ITPA: variants seen among roughly 807,000 people sequenced by gnomAD.
The protein encoded by ITPA is inosine triphosphate pyrophosphatase.
A neutral mutation model predicts 29.6 loss-of-function variants in ITPA; 29 were observed. The observed-to-expected ratio is 0.98, with a 90% confidence interval of 0.73 to 1.34. ITPA has a LOEUF of 1.34. Among genes scored for constraint, ITPA ranks in the 40% most tolerant of loss-of-function variants. The probability of loss-of-function intolerance (pLI) is 0.00; values close to 1 mark genes in which losing one functional copy is unlikely to be tolerated. For missense variants in ITPA, 241 were observed against 251.5 expected, an observed-to-expected ratio of 0.96 and a Z score of 0.28; for synonymous variants, 103 against 99.3, an observed-to-expected ratio of 1.04 and a Z score of -0.22.
chr20:3,209,809 C>T lies in ITPA; in HGVS notation c.66+192C>T, dbSNP rs2067130377. Among the ~76,000 whole-genome samples, 2 of 152,166 alleles carry T rather than the reference C, an allele frequency of 1.3e-5. No individual in the cohort carries two copies. Among genetic ancestry groups the T allele is most frequent in the Admixed American group, 1.3e-4 (2 of 15,278 alleles). On this transcript the variant is annotated intron_variant, in intron 1 of 7. Coordinates refer to ENST00000380113, the MANE Select transcript of ITPA (RefSeq NM_033453.4). The surrounding 1 kb of genome is among the most constrained non-coding windows in gnomAD (Gnocchi z 4.6). ...GGGAGTGGCTGCAGAATCGGGGCGCCCCGGGGTTGGCGAGGGAACGAGGGT... is the reference window on the plus strand; with the variant it reads ...GGGAGTGGCTGCAGAATCGGGGCGCTCCGGGGTTGGCGAGGGAACGAGGGT...
intron 7 of ITPA, among the ~76,000 whole-genome samples, chr20:3,222,215 A>T (rs1600537133): frequency 6.8e-6 from 1 of 146,482 alleles, no homozygotes; most frequent in African/African-American, 2.5e-5. Context: ...TAAGCTGTAC[A>T]TCTGACTTTT....
At chr20:3,215,922 G>A (rs1413518323) in intron 5 of ITPA, among the ~76,000 whole-genome samples, 1 of 152,158 alleles carries the variant, frequency 6.6e-6, no homozygotes, top group East Asian at 1.9e-4. Flanking sequence ...CTGACCTCAA[G>A]TGATCCGCCT....
chr20:3,224,254 G>A (rs560245871), downstream of ITPA, among the ~76,000 whole-genome samples: 66 of 152,336 alleles, frequency 4.3e-4, 1 homozygote, highest in African/African-American at 1.4e-3. Context: ...CCCACTCGGC[G>A]TGATCGCCAC....
chr20:3,221,910 G>A lies in ITPA; in HGVS notation c.481G>A (p.Glu161Lys), dbSNP rs1423613678. ...WDPCFQPDGY[E>K]QTYAEMPKAE... ...CCCCTGCTTTCAGCCTGATGGATAT[G>A]AGCAGACGTAAGGAGCCCTGCTTTT... is the stretch of plus-strand genomic sequence containing the variant. Residue 161 changes from glutamate to lysine, a missense_variant, in exon 7 of 8, where the codon GAG becomes AAG. Transcript: ENST00000380113. 6.2e-7 allele frequency: 1 copy of A among 1,613,736 alleles called. No homozygotes were observed. The highest frequency in any genetic ancestry group is 1.3e-5 in the African/African-American group (1 of 74,926).
chr20:3,221,020 G>A (rs1006299262), intron 6 of ITPA, among the ~76,000 whole-genome samples: 3 of 151,938 alleles, frequency 2.0e-5, no homozygotes, highest in African/African-American at 7.3e-5. Flanking sequence ...CAGGTAGCTG[G>A]GACTACAGGC....
rs371436516 is a variant in ITPA, at chr20:3,221,827, C to G, written c.412-14C>G. ...GGACCCAGTTACACACCTGTCCCCC[C>G]TTTCCTGTGGCAGGGCCGGATCGTG... On this transcript the variant is annotated splice_polypyrimidine_tract_variant and intron_variant, in intron 6 of 7. Coordinates refer to ENST00000380113, the MANE Select transcript of ITPA (RefSeq NM_033453.4). 6 of 1,613,978 alleles carry G rather than the reference C, an allele frequency of 3.7e-6. No individual in the cohort carries two copies. The highest frequency in any genetic ancestry group is 5.1e-6 in the Non-Finnish European group (6 of 1,179,844).
chr20:3,206,618 CAGG>C (rs751157025), upstream of ITPA, among the ~76,000 whole-genome samples: 60 of 151,954 alleles, frequency 3.9e-4, no homozygotes, highest in Non-Finnish European at 7.6e-4. Context: ...ATCACGAGGT[CAGG>C]AGATCAAAAC....
At chr20:3,207,549 C>T (rs1366518616), upstream of ITPA, among the ~76,000 whole-genome samples, 2 of 152,044 alleles carry the variant, frequency 1.3e-5, no homozygotes, top group Non-Finnish European at 2.9e-5. Context: ...CAAAAATTCA[C>T]TGGGTGTGGT....
chr20:3,207,286 TCA>T (rs1470984583), upstream of ITPA, among the ~76,000 whole-genome samples: 1 of 152,164 alleles, frequency 6.6e-6, no homozygotes, highest in Non-Finnish European at 1.5e-5. Context: ...AGACTGGGTT[TCA>T]CCATGTTGTC....
chr20:3,222,638 A>G (rs1234047426), intron 7 of ITPA, among the ~76,000 whole-genome samples: 1 of 152,168 alleles, frequency 6.6e-6, no homozygotes, highest in Non-Finnish European at 1.5e-5. Flanking sequence ...AGTTCGCACA[A>G]ATCGCCCCTT....
At position 3,218,536 on chromosome 20, in the gene ITPA, C is replaced by T. The variant is rs114819623; in HGVS notation, c.315C>T (p.Ala105=). 2.8e-4 allele frequency: 451 copies of T among 1,613,838 alleles called. 2 individuals are homozygous for T. In the African/African-American group the frequency reaches 5.4e-3, roughly 19 times the overall value. ...LKPEGLHQLL[A]GFEDKSAYAL... is the part of the protein sequence containing the mutation. ...CCGCAGGTCTCCACCAGCTCCTGGC[C>T]GGGTTCGAGGACAAGTCAGCCTATG... Residue 105 remains alanine (A), a synonymous_variant, in exon 6 of 8, where the codon GCC becomes GCT. Transcript: ENST00000380113.
chr20:3,211,632 A>G (rs2067177064), intron 1 of ITPA, among the ~76,000 whole-genome samples: 1 of 152,150 alleles, frequency 6.6e-6, no homozygotes, highest in African/African-American at 2.4e-5. Context: ...AGCTGGGACT[A>G]CAGGTGTGTG....
intron 6 of ITPA, among the ~76,000 whole-genome samples, chr20:3,220,919 G>A (rs189483928): frequency 4.9e-4 from 74 of 152,068 alleles, no homozygotes; most frequent in Non-Finnish European, 8.2e-4. Flanking sequence ...GTGTTTGTTT[G>A]TTTGTTTGGA....
chr20:3,206,387 CA>C (rs143721062), upstream of ITPA, among the ~76,000 whole-genome samples: 351 of 33,630 alleles, frequency 0.01, no homozygotes, highest in African/African-American at 0.036. Flanking sequence ...GACTCAGTCT[CA>C]AAAAAAAAAA....
chr20:3,222,423 G>A (rs1244620338), intron 7 of ITPA, among the ~76,000 whole-genome samples: 1 of 152,098 alleles, frequency 6.6e-6, no homozygotes, highest in Admixed American at 6.6e-5. Context: ...TGTTGGCCAG[G>A]CTGGTCTCAA....
At chr20:3,219,823 G>A (rs1427117896) in intron 6 of ITPA, among the ~76,000 whole-genome samples, 1 of 151,866 alleles carries the variant, frequency 6.6e-6, no homozygotes, top group African/African-American at 2.4e-5. Context: ...AAGGCAGGAG[G>A]ATTGCTTGAG....
chr20:3,206,300 A>G (rs1275633748), upstream of ITPA, among the ~76,000 whole-genome samples: 3 of 148,282 alleles, frequency 2.0e-5, no homozygotes, highest in Admixed American at 6.8e-5. Flanking sequence ...AGGCAGGAGA[A>G]TCTCTCGAAG....
chr20:3,212,512 G>C (rs533344004), intron 1 of ITPA, among the ~76,000 whole-genome samples: 1 of 152,064 alleles, frequency 6.6e-6, no homozygotes, highest in Admixed American at 6.6e-5. Flanking sequence ...GTAAAGATGG[G>C]GTTTTGCCAT....
Position 3,213,155 on chromosome 20 carries a change from T to G in ITPA, c.67-14T>G. The G allele has an allele frequency of 1.2e-6, 2 of 1,613,124 alleles. No homozygotes were observed. The highest frequency in any genetic ancestry group is 1.7e-6 in the Non-Finnish European group (2 of 1,179,022). ...ACTAGATGGTGATAAGTGTTCTCTT[T>G]TCTCTTGGAACAGGTCGTTCAGATT... On this transcript the variant is annotated splice_polypyrimidine_tract_variant and intron_variant, in intron 1 of 7. Coordinates refer to ENST00000380113, the MANE Select transcript of ITPA (RefSeq NM_033453.4).
Sources: allele counts gnomAD v4.1 joint callset (sites outside exome capture counted in the v4.1 genomes callset), GRCh38; gene constraint gnomAD v4.1.1; non-coding constraint Gnocchi (gnomAD v3.1); transcripts MANE v1.5; gene names NCBI Gene and HGNC (gene_info 2026-07-23, HGNC 2026-07-21).